Variants in CCDC32 observed in about 807,000 individuals in gnomAD.
CCDC32 encodes coiled-coil domain containing 32, also known as coiled-coil domain-containing protein 32.
In CCDC32, 9 loss-of-function variants were observed where a neutral mutation model predicts 20.1. The ratio of observed to expected loss-of-function variants is 0.45; its 90% CI spans 0.27 to 0.78. The LOEUF is 0.78. CCDC32 is among the 30% of genes least tolerant of loss of function. The probability of loss-of-function intolerance (pLI) is 0.16; values close to 1 mark genes in which losing one functional copy is unlikely to be tolerated. For synonymous variants in CCDC32, 63 were observed against 79.0 expected, an observed-to-expected ratio of 0.80 and a Z score of 1.07; for missense variants, 204 against 215.5, an observed-to-expected ratio of 0.95 and a Z score of 0.33.
chr15:40,562,436 C>T (rs141087335), intron 2 of CCDC32, among the ~76,000 whole-genome samples: 41 of 152,056 alleles, frequency 2.7e-4, no homozygotes, highest in African/African-American at 9.2e-4. Flanking sequence ...AAAAATTAGC[C>T]GGGCATTGTG....
At chr15:40,551,880 T>C (rs951724633), downstream of CCDC32, among the ~76,000 whole-genome samples, 2 of 147,414 alleles carry the variant, frequency 1.4e-5, no homozygotes, top group African/African-American at 5.1e-5. Context: ...GGGCCAGGCA[T>C]GGTGACTTGC....
At chr15:40,557,466 C>T (rs1400856404) in intron 2 of CCDC32, 94 bp from the exon 3 acceptor site, 2 of 1,356,136 alleles carry the variant, frequency 1.5e-6, no homozygotes, top group Non-Finnish European at 2.0e-6. Context: ...AAAAATCTCT[C>T]ACCGATGAGG....
chr15:40,549,312 A>G (rs569928176), downstream of CCDC32, among the ~76,000 whole-genome samples: 9 of 152,300 alleles, frequency 5.9e-5, no homozygotes, highest in African/African-American at 1.9e-4. Context: ...TTTGTGCTCC[A>G]GCTACACTGA....
intron 3 of CCDC32, among the ~76,000 whole-genome samples, chr15:40,542,927 G>T (rs181688335): frequency 2.8e-4 from 43 of 151,930 alleles, no homozygotes; most frequent in Non-Finnish European, 5.0e-4. Flanking sequence ...GAAGGCCAAG[G>T]TAGGAGGATT....
downstream of CCDC32, among the ~76,000 whole-genome samples, chr15:40,524,739 C>CT (rs758786719): frequency 8.9e-3 from 842 of 95,026 alleles, 45 homozygotes; most frequent in African/African-American, 0.024. Context: ...CTTTTTCTTT[C>CT]TTTTTTTTTT....
downstream of CCDC32, chr15:40,535,837 C>T (rs1019879183): frequency 5.0e-6 from 1 of 198,154 alleles, no homozygotes; most frequent in East Asian, 1.9e-4. Context: ...GGGGCCTAGC[C>T]TTTGCCTTCC....
chr15:40,542,992 A>T (rs1889462567), intron 3 of CCDC32, among the ~76,000 whole-genome samples: 1 of 280 alleles, frequency 3.6e-3, no homozygotes, highest in South Asian at 0.25. Flanking sequence ...ACTTTTCTTA[A>T]AAAAAAAAAA....
chr15:40,554,488 GA>G (rs990004859), intron 3 of CCDC32, among the ~76,000 whole-genome samples: 9 of 152,234 alleles, frequency 5.9e-5, no homozygotes, highest in African/African-American at 2.2e-4. Flanking sequence ...TTGTCAAGGG[GA>G]AGAAACACTC....
intron 2 of CCDC32, among the ~76,000 whole-genome samples, chr15:40,558,688 T>C (rs766904928): frequency 1.3e-5 from 2 of 152,170 alleles, no homozygotes; most frequent in Non-Finnish European, 2.9e-5. Context: ...CAGAAATGAC[T>C]CTTATTTTCT....
downstream of CCDC32, chr15:40,532,330 G>T: frequency 1.4e-6 from 1 of 702,442 alleles, no homozygotes; most frequent in South Asian, 1.5e-5. Context: ...GTAGATTTAT[G>T]ACAAACATAA....
chr15:40,537,415 G>T (rs918888029), downstream of CCDC32: 2 of 152,246 alleles, frequency 1.3e-5, no homozygotes, highest in Admixed American at 1.3e-4. Context: ...TGCAGTGCCT[G>T]TGTCCCAAGG....
chr15:40,552,481 C>CAAAAA (rs58360713), downstream of CCDC32, among the ~76,000 whole-genome samples: 12 of 94,332 alleles, frequency 1.3e-4, no homozygotes, highest in East Asian at 7.6e-4. Flanking sequence ...AACTCCATCT[C>CAAAAA]AAAAAAAAAA....
chr15:40,563,004 A>C lies in CCDC32; in HGVS notation c.12T>G (p.Phe4Leu). 6.2e-7 allele frequency: 1 copy of C among 1,614,108 alleles called. No individual in the cohort carries two copies. The highest frequency in any genetic ancestry group is 8.5e-7 in the Non-Finnish European group (1 of 1,180,018). ...TTGTGGCTGTAGAGTCAGCGCTCTC[A>C]AACATTTTCATTTGGAATCTGAGCT... MKM[F>L]ESADSTATRS... Residue 4 changes from phenylalanine (F) to leucine (L), a missense_variant, in exon 2 of 4, where the codon TTT becomes TTG. Coordinates refer to ENST00000416810, the MANE Select transcript of CCDC32 (RefSeq NM_001080792.4).
chr15:40,528,949 T>C (rs1450166287), intron 3 of CCDC32, among the ~76,000 whole-genome samples: 2 of 152,204 alleles, frequency 1.3e-5, no homozygotes, highest in African/African-American at 4.8e-5. Context: ...CTCAGCATTC[T>C]GAAGAAATAT....
intron 3 of CCDC32, among the ~76,000 whole-genome samples, chr15:40,543,798 G>A (rs1289871511): frequency 6.6e-6 from 1 of 152,078 alleles, no homozygotes; most frequent in Non-Finnish European, 1.5e-5. Flanking sequence ...GGCCTTTAGG[G>A]GTAGGTTTGC....
chr15:40,532,257 C>T, downstream of CCDC32: 1 of 703,120 alleles, frequency 1.4e-6, no homozygotes. Context: ...TACTATTGTC[C>T]TGGCATCAGG....
At chr15:40,548,344 C>G (rs1889706610), downstream of CCDC32, among the ~76,000 whole-genome samples, 1 of 152,208 alleles carries the variant, frequency 6.6e-6, no homozygotes, top group Admixed American at 6.5e-5. Flanking sequence ...GCCCCTCTCC[C>G]TACTGTAGCC....
At chr15:40,563,364 CAAAT>C (rs769219772) in intron 1 of CCDC32, among the ~76,000 whole-genome samples, 38 of 151,794 alleles carry the variant, frequency 2.5e-4, no homozygotes, top group Non-Finnish European at 4.6e-4. Context: ...CCCTGTCTCA[CAAAT>C]AAATAAATAA....
downstream of CCDC32, among the ~76,000 whole-genome samples, chr15:40,526,639 G>T (rs995236950): frequency 1.3e-5 from 2 of 152,172 alleles, no homozygotes; most frequent in African/African-American, 2.4e-5. Flanking sequence ...CTGGCTGGGC[G>T]CAGTGGCTCA....
Sources: gnomAD v4.1 joint callset for allele counts (sites outside exome capture counted in the v4.1 genomes callset) on GRCh38, gnomAD v4.1.1 for gene constraint, MANE v1.5 for transcripts, NCBI Gene and HGNC (gene_info 2026-07-23, HGNC 2026-07-21) for gene names.